Variants in MAST4 observed in about 807,000 individuals in gnomAD.
The protein encoded by MAST4 is microtubule associated serine/threonine kinase family member 4, also known as microtubule-associated serine/threonine-protein kinase 4.
A neutral mutation model predicts 162.7 loss-of-function variants in MAST4; 89 were observed. The observed-to-expected ratio is 0.55, with a 90% CI of 0.46 to 0.65. The LOEUF is 0.65. Ranked by LOEUF, MAST4 falls within the 30% of genes least tolerant of loss-of-function variation. The pLI, the probability that MAST4 is intolerant of heterozygous loss-of-function variation, is 0.00. For synonymous variants in MAST4, 1,479 were observed against 1,361.1 expected, an observed-to-expected ratio of 1.09 and a Z score of -1.91; for missense variants, 3,153 against 3,374.0, an observed-to-expected ratio of 0.93 and a Z score of 1.62.
intron 1 of MAST4, among the ~76,000 whole-genome samples, chr5:66,661,794 A>G (rs900661327): frequency 6.6e-6 from 1 of 152,238 alleles, no homozygotes; most frequent in African/African-American, 2.4e-5. Context: ...GGTACAAAAA[A>G]GAATTTAATA....
chr5:66,969,040 A>G (rs1280132492), intron 4 of MAST4, among the ~76,000 whole-genome samples: 1 of 152,230 alleles, frequency 6.6e-6, no homozygotes, highest in African/African-American at 2.4e-5. Flanking sequence ...GTGGTACTAA[A>G]TAACTAGGTA....
chr5:66,693,168 C>T (rs759929398), intron 1 of MAST4, among the ~76,000 whole-genome samples: 8 of 152,052 alleles, frequency 5.3e-5, no homozygotes, highest in South Asian at 2.1e-4. Flanking sequence ...GCCAATCCCC[C>T]GGGAACTAAT....
At chr5:66,747,679 A>G (rs575220277) in intron 1 of MAST4, among the ~76,000 whole-genome samples, 1 of 152,314 alleles carries the variant, frequency 6.6e-6, no homozygotes, top group East Asian at 1.9e-4. Flanking sequence ...AAGGTGACGC[A>G]CTCAAAAATA....
intron 1 of MAST4, among the ~76,000 whole-genome samples, chr5:66,665,794 T>G (rs369653690): frequency 4.2e-4 from 64 of 152,314 alleles, no homozygotes; most frequent in African/African-American, 1.3e-3. Context: ...TAAAATGTGG[T>G]GGGATGGTAT....
intron 1 of MAST4, among the ~76,000 whole-genome samples, chr5:66,722,482 TTATC>T (rs1751278076): frequency 6.6e-6 from 1 of 150,440 alleles, no homozygotes; most frequent in African/African-American, 2.4e-5. Flanking sequence ...GTATTTTAAA[TTATC>T]TATCAAATTA....
In MAST4 at chr5:67,152,818, G is replaced by T; in HGVS notation, c.3477G>T (p.Arg1159=). Residue 1159 remains arginine (R), a synonymous_variant, in exon 25 of 29, where the codon CGG becomes CGT. Transcript: ENST00000403625. ...ACGGCTTTACCATCCGAGCCATCCG[G>T]GTGTATGTGGGAGACAGTGACATCT... is the stretch of plus-strand genomic sequence containing the variant. ...KNYGFTIRAI[R]VYVGDSDIYT... The T allele has an allele frequency of 1.2e-6, 2 of 1,614,012 alleles. No individual in the cohort carries two copies. The highest frequency in any genetic ancestry group is 1.7e-6 in the Non-Finnish European group (2 of 1,179,888).
intron 3 of MAST4, among the ~76,000 whole-genome samples, chr5:66,846,841 TATTA>T (rs1758890837): frequency 6.6e-6 from 1 of 152,214 alleles, no homozygotes; most frequent in Admixed American, 6.5e-5. Context: ...CTGGAACATT[TATTA>T]ATTTTATTAT....
At chr5:66,731,240 T>C (rs1236954421) in intron 1 of MAST4, among the ~76,000 whole-genome samples, 1 of 152,214 alleles carries the variant, frequency 6.6e-6, no homozygotes, top group Non-Finnish European at 1.5e-5. Flanking sequence ...TGGGTGCAGC[T>C]TAGCAATATC....
chr5:66,739,065 G>T (rs1216128903), intron 1 of MAST4, among the ~76,000 whole-genome samples: 4 of 151,640 alleles, frequency 2.6e-5, no homozygotes, highest in African/African-American at 9.7e-5. Flanking sequence ...TTATTATCAA[G>T]CAAAAAAGGC....
chr5:66,687,576 A>G (rs1561262616), intron 1 of MAST4, among the ~76,000 whole-genome samples: 1 of 151,028 alleles, frequency 6.6e-6, no homozygotes, highest in African/African-American at 2.5e-5. Flanking sequence ...ATACACATGT[A>G]TATGTGTATA....
chr5:66,617,171 G>A (rs1344643545), intron 1 of MAST4, among the ~76,000 whole-genome samples: 2 of 152,164 alleles, frequency 1.3e-5, no homozygotes, highest in Non-Finnish European at 2.9e-5. Flanking sequence ...TCATTAAAAT[G>A]TTTGGGTTTT....
At chr5:66,600,695 C>T (rs932158087) in intron 1 of MAST4, among the ~76,000 whole-genome samples, 2 of 152,160 alleles carry the variant, frequency 1.3e-5, no homozygotes, top group Non-Finnish European at 2.9e-5. Context: ...TCAAGAGAAA[C>T]ATTGTGGATC....
chr5:67,128,133 T>C (rs1387279177), intron 14 of MAST4, among the ~76,000 whole-genome samples: 1 of 152,258 alleles, frequency 6.6e-6, no homozygotes. Flanking sequence ...ATTAAGACTT[T>C]CTAAAACATT....
At chr5:66,683,420 C>G (rs1478608504) in intron 1 of MAST4, among the ~76,000 whole-genome samples, 1 of 152,152 alleles carries the variant, frequency 6.6e-6, no homozygotes. Context: ...CCAGATTAAC[C>G]TAGCATCTAG....
At position 67,028,562 on chromosome 5, in the gene MAST4, G is replaced by A. The variant is rs532761978; in HGVS notation, c.675-25842G>A. Among the ~76,000 whole-genome samples, 36 of 152,240 alleles carry A rather than the reference G, an allele frequency of 2.4e-4. No individual in the cohort carries two copies. In the East Asian group the frequency reaches 5.2e-3, roughly 22 times the overall value. On this transcript the variant is annotated intron_variant, in intron 4 of 28. Coordinates refer to ENST00000403625, the MANE Select transcript of MAST4 (RefSeq NM_001164664.2). ...GGTGACCGTGAGAATGAAGGGAGACGCTCAGGAAGTGGATTCTGAAAGACT... is the reference window on the plus strand; with the variant it reads ...GGTGACCGTGAGAATGAAGGGAGACACTCAGGAAGTGGATTCTGAAAGACT...
chr5:66,854,100 C>G (rs1759504098), intron 3 of MAST4, among the ~76,000 whole-genome samples: 1 of 152,150 alleles, frequency 6.6e-6, no homozygotes, highest in Admixed American at 6.5e-5. Context: ...ATTGCCCAGG[C>G]TGGTCTTAAC....
At chr5:66,785,113 C>A (rs1356975005) in intron 2 of MAST4, among the ~76,000 whole-genome samples, 1 of 152,152 alleles carries the variant, frequency 6.6e-6, no homozygotes, top group African/African-American at 2.4e-5. Context: ...TGCCTGTAAT[C>A]CCAGCTACTT....
chr5:66,788,389 C>T lies in MAST4; in HGVS notation c.518-281C>T, dbSNP rs556380088. On this transcript the variant is annotated intron_variant, in intron 2 of 28. Coordinates refer to ENST00000403625, the MANE Select transcript of MAST4 (RefSeq NM_001164664.2). Reference sequence around the variant, plus strand: ...ACTTATATATATTCTCAACACATTCCCTTGGTATAGGCAGACGGGAAAAAA... The same window carrying T: ...ACTTATATATATTCTCAACACATTCTCTTGGTATAGGCAGACGGGAAAAAA... 1.2e-4 allele frequency among the ~76,000 whole-genome samples: 19 copies of T among 152,210 alleles called. 1 individual carries two copies. The South Asian group carries it at 3.7e-3, about 30-fold the overall frequency.
intron 1 of MAST4, among the ~76,000 whole-genome samples, chr5:66,726,559 TC>T (rs1751532849): frequency 6.6e-6 from 1 of 152,054 alleles, no homozygotes; most frequent in Non-Finnish European, 1.5e-5. Flanking sequence ...TTGATTTGAT[TC>T]TATAGACACT....
Sources: allele counts gnomAD v4.1 joint callset (sites outside exome capture counted in the v4.1 genomes callset), GRCh38; gene constraint gnomAD v4.1.1; transcripts MANE v1.5; gene names NCBI Gene and HGNC (gene_info 2026-07-23, HGNC 2026-07-21).